The following GTF3C1 variants were observed in gnomAD, a reference collection of about 807,000 sequenced individuals.
The protein encoded by GTF3C1 is general transcription factor IIIC subunit 1.
In GTF3C1, 57 loss-of-function variants were observed where a neutral mutation model predicts 226.7. The observed-to-expected ratio is 0.25, with a 90% CI of 0.20 to 0.31. The LOEUF (loss-of-function observed/expected upper bound fraction) is 0.31. GTF3C1 is among the 10% of genes least tolerant of loss of function. GTF3C1 has a pLI of 1.00. For synonymous variants in GTF3C1, 1,090 were observed against 1,084.8 expected, an observed-to-expected ratio of 1.00 and a Z score of -0.09; for missense variants, 2,217 against 2,776.1, an observed-to-expected ratio of 0.80 and a Z score of 4.53.
In GTF3C1 at chr16:27,492,825, G is replaced by T; in HGVS notation, c.2877-112C>A. 1.4e-6 allele frequency: 1 copy of T among 714,138 alleles called. No homozygotes were observed. Among genetic ancestry groups the T allele is most frequent in the Non-Finnish European group, 2.5e-6 (1 of 395,846 alleles). The allele number at this position is 714,138 out of a possible 1,614,324, so 44.2% of individuals were successfully genotyped here. ...TTCCTTCTTCTCTTTTCCACCTGGT[G>T]GTCACTGGAGGACCAGCCTCAAGCC... is the stretch of plus-strand genomic sequence containing the variant. On this transcript the variant is annotated intron_variant, in intron 17 of 36. Coordinates refer to ENST00000356183, the MANE Select transcript of GTF3C1 (RefSeq NM_001520.4). The surrounding 1 kb of genome is among the most constrained non-coding windows in gnomAD (Gnocchi z 5.0).
At position 27,538,955 on chromosome 16, in the gene GTF3C1, T is replaced by G. The variant is rs546707906; in HGVS notation, c.432-599A>C. On this transcript the variant is annotated intron_variant, in intron 2 of 36. Transcript: ENST00000356183. ...AGAACTTAGCACTCTTAGAAATGAC[T>G]ATATATACACACATATACACACACA... Among the ~76,000 whole-genome samples, 140 of 144,510 alleles carry G rather than the reference T, an allele frequency of 9.7e-4. 1 individual carries two copies. The highest frequency in any genetic ancestry group is 1.4e-3 in the Non-Finnish European group (96 of 66,962). 94.8% of individuals were successfully genotyped at this position (144,510 alleles called of 152,430 possible).
At chr16:27,511,456 A>G (rs1418168418) in intron 7 of GTF3C1, among the ~76,000 whole-genome samples, 2 of 152,182 alleles carry the variant, frequency 1.3e-5, no homozygotes, top group Non-Finnish European at 2.9e-5. Flanking sequence ...TCCCTCTTAT[A>G]TATCTATGTT....
chr16:27,529,932 C>T (rs1386948239), intron 5 of GTF3C1, among the ~76,000 whole-genome samples: 1 of 152,212 alleles, frequency 6.6e-6, no homozygotes. Flanking sequence ...TTTCTTAAAC[C>T]TATCCTGTAT....
chr16:27,480,805 A>G (rs566927860), intron 27 of GTF3C1: 36 of 415,414 alleles, frequency 8.7e-5, no homozygotes, highest in Non-Finnish European at 1.4e-4. Context: ...GAATTTCCTC[A>G]AAGGTAAAGT....
At chr16:27,475,968 T>C (rs1195344326) in intron 29 of GTF3C1, among the ~76,000 whole-genome samples, 1 of 152,186 alleles carries the variant, frequency 6.6e-6, no homozygotes, top group Non-Finnish European at 1.5e-5. Flanking sequence ...TGGAGGTCAC[T>C]AGATCCCATC....
Position 27,484,357 on chromosome 16 carries a change from G to T in GTF3C1, c.3859-4C>A. ...AGGTGACAAATGGGCCCTTCACCTG[G>T]ATCAAACACAGAGCCAAGACAAAAA... On this transcript the variant is annotated splice_polypyrimidine_tract_variant and splice_region_variant and intron_variant, in intron 24 of 36. Transcript: ENST00000356183. The T allele has an allele frequency of 2.5e-6, 4 of 1,601,268 alleles. No homozygotes were observed. The highest frequency in any genetic ancestry group is 3.4e-6 in the Non-Finnish European group (4 of 1,168,616).
At position 27,501,463 on chromosome 16, in the gene GTF3C1, G is replaced by A; in HGVS notation, c.1908-119C>T. 3.4e-6 allele frequency: 3 copies of A among 882,044 alleles called. No individual in the cohort carries two copies. In the South Asian group the frequency reaches 4.6e-5, roughly 14 times the overall value. 54.6% of individuals were successfully genotyped at this position (882,044 alleles called of 1,614,324 possible). On this transcript the variant is annotated intron_variant, in intron 11 of 36. Transcript: ENST00000356183. ...ATAGAAACAAGGAAGGATCAAACGG[G>A]GTTTCCCCACCCTGGAAAGACTGAT...
intron 5 of GTF3C1, among the ~76,000 whole-genome samples, chr16:27,532,599 G>A (rs1159114299): frequency 4.6e-5 from 7 of 152,070 alleles, no homozygotes; most frequent in African/African-American, 1.2e-4. Flanking sequence ...GCCCAAAGAC[G>A]AAGCAGGTCA....
chr16:27,545,646 C>T lies in GTF3C1; in HGVS notation c.222-123G>A, dbSNP rs556971893. 188 of 653,926 alleles carry T rather than the reference C, an allele frequency of 2.9e-4. 1 individual carries two copies. In the South Asian group the frequency reaches 3.0e-3, roughly 10 times the overall value. The allele number at this position is 653,926 out of a possible 1,614,324, so 40.5% of individuals were successfully genotyped here. A position where few individuals can be genotyped will look rare whatever the true frequency, so the allele number is the denominator to read the frequency against. ...GAAGTGAGATCAGTCAGTTTTCCTGCCTTATAAATGCAGATAATCTTGACA... is the reference window on the plus strand; with the variant it reads ...GAAGTGAGATCAGTCAGTTTTCCTGTCTTATAAATGCAGATAATCTTGACA... On this transcript the variant is annotated intron_variant, in intron 1 of 36. Transcript: ENST00000356183.
At chr16:27,529,063 T>C (rs2141439195) in intron 5 of GTF3C1, among the ~76,000 whole-genome samples, 1 of 152,146 alleles carries the variant, frequency 6.6e-6, no homozygotes. Context: ...ACCATGTAAG[T>C]GTATTACTAA....
intron 6 of GTF3C1, among the ~76,000 whole-genome samples, chr16:27,522,002 C>G (rs1278859603): frequency 6.6e-6 from 1 of 152,152 alleles, no homozygotes; most frequent in Non-Finnish European, 1.5e-5. Flanking sequence ...ATACATCAAT[C>G]CTACTTTAAC....
At position 27,465,891 on chromosome 16, in the gene GTF3C1, G is replaced by A. The variant is rs1186770356; in HGVS notation, c.5075-351C>T. ...GACGGGGAGTCCCTGACCAGGGCTG[G>A]CCTGGTCCCATCCCTTCCTGCTGCT... is the stretch of plus-strand genomic sequence containing the variant. On this transcript the variant is annotated intron_variant, in intron 32 of 36. Coordinates refer to ENST00000356183, the MANE Select transcript of GTF3C1 (RefSeq NM_001520.4). 8.9e-5 allele frequency: 27 copies of A among 302,076 alleles called. No homozygotes were observed. The East Asian group carries it at 1.9e-3, about 22-fold the overall frequency. 18.7% of individuals were successfully genotyped at this position (302,076 alleles called of 1,614,324 possible). A position where few individuals can be genotyped will look rare whatever the true frequency, so the allele number is the denominator to read the frequency against.
At chr16:27,477,420 C>T (rs2087967270) in intron 28 of GTF3C1, among the ~76,000 whole-genome samples, 1 of 152,110 alleles carries the variant, frequency 6.6e-6, no homozygotes, top group Non-Finnish European at 1.5e-5. Context: ...GATTCTCCTG[C>T]CTCAGCCTCC....
At chr16:27,539,435 G>A (rs894859826) in intron 2 of GTF3C1, among the ~76,000 whole-genome samples, 4 of 152,184 alleles carry the variant, frequency 2.6e-5, no homozygotes, top group East Asian at 1.9e-4. Flanking sequence ...ATTCCCCATC[G>A]CTGATGATGG....
At chr16:27,533,050 T>C (rs1481024874) in intron 5 of GTF3C1, among the ~76,000 whole-genome samples, 1 of 152,086 alleles carries the variant, frequency 6.6e-6, no homozygotes, top group African/African-American at 2.4e-5. Flanking sequence ...GAGAATCGCT[T>C]GAACCTGGGA....
rs765640279 is a variant in GTF3C1, at chr16:27,471,730, C to G, written c.4526+18G>C. On this transcript the variant is annotated intron_variant, in intron 30 of 36. Transcript: ENST00000356183. This position sits in a 1 kb window ranked among gnomAD's most constrained non-coding sequence, Gnocchi z 5.0. ...TGGCTCCACCTCGGAGTACCCAAGGCTCCTGACAGGTACTCACCTGTAGTA... is the reference window on the plus strand; with the variant it reads ...TGGCTCCACCTCGGAGTACCCAAGGGTCCTGACAGGTACTCACCTGTAGTA... 1 of 1,601,356 alleles carries G rather than the reference C, an allele frequency of 6.2e-7. No individual in the cohort carries two copies. Among genetic ancestry groups the G allele is most frequent in the Non-Finnish European group, 8.6e-7 (1 of 1,168,706 alleles).
chr16:27,526,410 A>G (rs781701644), intron 6 of GTF3C1, among the ~76,000 whole-genome samples: 9 of 152,228 alleles, frequency 5.9e-5, no homozygotes, highest in Non-Finnish European at 8.8e-5. Context: ...CTCTGAGCCT[A>G]GAAACCCTCC....
chr16:27,549,907 G>T lies in GTF3C1; in HGVS notation c.-17C>A, dbSNP rs141332877. 2,122 of 1,594,818 alleles carry T rather than the reference G, an allele frequency of 1.3e-3. 26 individuals carry two copies. In the African/African-American group the frequency reaches 0.025, roughly 19 times the overall value. On this transcript the variant is annotated 5_prime_UTR_variant, in exon 1 of 37. Transcript: ENST00000356183. ...CGCGTCCATTGCTACTTCAGTCGGC[G>T]GCGCCCGGGGCGCATGCGCAACGCA...
intron 4 of GTF3C1, among the ~76,000 whole-genome samples, chr16:27,537,389 A>G (rs1031068820): frequency 8.5e-5 from 13 of 152,188 alleles, no homozygotes; most frequent in African/African-American, 3.1e-4. Flanking sequence ...AAAAAGCTAT[A>G]GTCATATTCT....
Sources: allele counts gnomAD v4.1 joint callset (sites outside exome capture counted in the v4.1 genomes callset), GRCh38; gene constraint gnomAD v4.1.1; non-coding constraint Gnocchi (gnomAD v3.1); transcripts MANE v1.5; gene names NCBI Gene and HGNC (gene_info 2026-07-23, HGNC 2026-07-21).